POU2F3: variants seen among roughly 807,000 people sequenced by gnomAD.
POU2F3 encodes the protein POU domain, class 2, transcription factor 3.
POU2F3 carries 23 observed loss-of-function variants against 59.2 expected under a neutral mutation model. That is an observed-to-expected ratio of 0.39 (90% CI 0.28 to 0.55). POU2F3 has a LOEUF of 0.55. Among genes scored for constraint, POU2F3 ranks in the 20% least tolerant of loss-of-function variants. The pLI is 0.66. For missense variants in POU2F3, 473 were observed against 544.5 expected (o/e 0.87, Z 1.31); for synonymous variants, 190 against 214.6 (o/e 0.89, Z 1.00).
rs74198719 is a variant in POU2F3, at chr11:120,260,747, C to T, written c.98-8463C>T. Among the ~76,000 whole-genome samples the T allele has an allele frequency of 7.7e-4, 117 of 152,210 alleles. No homozygotes were observed. In the East Asian group the frequency reaches 0.016, roughly 20 times the overall value. On this transcript the variant is annotated intron_variant, in intron 2 of 12. Transcript: ENST00000543440. ...GCGTTGGGGGGTTAAGTTGGGTCTT[C>T]GATGAGTCCTCAGACATTCTCCGAG...
intron 10 of POU2F3, among the ~76,000 whole-genome samples, chr11:120,315,071 C>T (rs140659279): frequency 6.6e-6 from 1 of 152,232 alleles, no homozygotes; most frequent in Non-Finnish European, 1.5e-5. Flanking sequence ...AGGCAGCCTT[C>T]GGCTTGGCAG....
intron 2 of POU2F3, among the ~76,000 whole-genome samples, chr11:120,259,623 C>T (rs1358682603): frequency 6.6e-6 from 1 of 152,214 alleles, no homozygotes; most frequent in East Asian, 1.9e-4. Context: ...TCAAGGATTG[C>T]TTTCAGGCTT....
upstream of POU2F3, among the ~76,000 whole-genome samples, chr11:120,237,409 C>T (rs1938530922): frequency 6.6e-6 from 1 of 152,088 alleles, no homozygotes; most frequent in African/African-American, 2.4e-5. Context: ...CTGTGAACCT[C>T]CAAGGTCCTA....
At chr11:120,289,379 T>A (rs1940940050) in intron 3 of POU2F3, among the ~76,000 whole-genome samples, 1 of 152,210 alleles carries the variant, frequency 6.6e-6, no homozygotes, top group South Asian at 2.1e-4. Flanking sequence ...TTTAACCGGC[T>A]ACCCTCGCTA....
upstream of POU2F3, among the ~76,000 whole-genome samples, chr11:120,237,114 C>A (rs1344686895): frequency 1.3e-5 from 2 of 152,158 alleles, no homozygotes; most frequent in East Asian, 3.9e-4. Context: ...CTGTAGTCTA[C>A]TAGCTGCGTT....
chr11:120,298,974 C>T lies in POU2F3; in HGVS notation c.258+584C>T, dbSNP rs1941268069. Among the ~76,000 whole-genome samples, 4 of 152,204 alleles carry T rather than the reference C, an allele frequency of 2.6e-5. No individual in the cohort carries two copies. The South Asian group carries it at 8.3e-4, about 32-fold the overall frequency. On this transcript the variant is annotated intron_variant, in intron 4 of 12. Transcript: ENST00000543440. The stretch of plus-strand genomic sequence containing the variant: ...GCTTCTCAGGTCTTCTCTATGTGCA[C>T]AAACCTAAGCTCAACCTCATGGGGC...
intron 1 of POU2F3, among the ~76,000 whole-genome samples, chr11:120,244,901 C>T (rs999621824): frequency 7.3e-6 from 1 of 136,658 alleles, no homozygotes; most frequent in Non-Finnish European, 1.5e-5. Context: ...TGCAGCAGGA[C>T]GGATTGAGGT....
At chr11:120,267,663 C>T in intron 2 of POU2F3, among the ~76,000 whole-genome samples, 1 of 152,218 alleles carries the variant, frequency 6.6e-6, no homozygotes, top group Middle Eastern at 3.2e-3. Flanking sequence ...TTCTCTTAGA[C>T]CCCATTCATT....
chr11:120,271,206 T>A (rs1401740333), intron 3 of POU2F3, among the ~76,000 whole-genome samples: 1 of 152,164 alleles, frequency 6.6e-6, no homozygotes, highest in African/African-American at 2.4e-5. Flanking sequence ...TAGGCTTCAA[T>A]TAAAGAGAGA....
chr11:120,275,397 C>T (rs1940276060), intron 3 of POU2F3, among the ~76,000 whole-genome samples: 1 of 152,232 alleles, frequency 6.6e-6, no homozygotes, highest in South Asian at 2.1e-4. Flanking sequence ...CTCTCCACTC[C>T]ATTTCCTGCT....
chr11:120,246,890 A>C (rs895980334), intron 2 of POU2F3, among the ~76,000 whole-genome samples: 9 of 152,216 alleles, frequency 5.9e-5, no homozygotes, highest in African/African-American at 2.2e-4. Flanking sequence ...AGTCCTACTC[A>C]AGGCACTAAC....
In POU2F3 at chr11:120,280,476, A is replaced by G. The variant is rs185919307; in HGVS notation, c.132+11232A>G. Reference sequence around the variant, plus strand: ...CTTACAACAGCCTGGTGAGGTAAGCATTATTCTTCCCATTATAAAGCTGGG... The same window carrying G: ...CTTACAACAGCCTGGTGAGGTAAGCGTTATTCTTCCCATTATAAAGCTGGG... On this transcript the variant is annotated intron_variant, in intron 3 of 12. Transcript: ENST00000543440. Among the ~76,000 whole-genome samples, 121 of 152,316 alleles carry G rather than the reference A, an allele frequency of 7.9e-4. 2 individuals carry two copies. Among genetic ancestry groups the G allele is most frequent in the Admixed American group, 7.2e-3 (111 of 15,312 alleles).
At chr11:120,265,029 C>T (rs890780822) in intron 2 of POU2F3, among the ~76,000 whole-genome samples, 4 of 152,168 alleles carry the variant, frequency 2.6e-5, no homozygotes, top group Non-Finnish European at 5.9e-5. Context: ...CAGCAGAGCC[C>T]CCATGACCTA....
intron 6 of POU2F3, 35 bp from the exon 7 acceptor site, chr11:120,304,992 ATCT>A: frequency 2.0e-6 from 2 of 1,017,588 alleles, no homozygotes; most frequent in South Asian, 3.2e-5. Context: ...TTATTTATTG[ATCT>A]TCGTGGTGGA....
intron 3 of POU2F3, among the ~76,000 whole-genome samples, chr11:120,271,497 G>A (rs1329181139): frequency 6.6e-6 from 1 of 152,216 alleles, no homozygotes; most frequent in African/African-American, 2.4e-5. Context: ...GGTTTCCCCA[G>A]CCCAGGGCCC....
intron 2 of POU2F3, among the ~76,000 whole-genome samples, chr11:120,255,216 A>G (rs183023596): frequency 5.9e-5 from 9 of 152,120 alleles, no homozygotes; most frequent in Non-Finnish European, 1.2e-4. Flanking sequence ...TGCCCAGTCC[A>G]GGTTTGTACG....
intron 6 of POU2F3, chr11:120,304,339 A>AG (rs1941424341): frequency 7.1e-6 from 1 of 141,784 alleles, no homozygotes; most frequent in East Asian, 2.4e-4. Context: ...TCAAAAAAAA[A>AG]AAGAAGAAGA....
At chr11:120,307,640 C>T (rs200975435) in intron 9 of POU2F3, 25 bp downstream of exon 9, 27 of 1,538,130 alleles carry the variant, frequency 1.8e-5, no homozygotes, top group Non-Finnish European at 2.0e-5. Flanking sequence ...CGGGTGGGCA[C>T]GGGTGGGCTA....
At chr11:120,305,275 A>C in intron 7 of POU2F3, 63 bp downstream of exon 7, 1 of 1,565,692 alleles carries the variant, frequency 6.4e-7, no homozygotes, top group Non-Finnish European at 8.7e-7. Flanking sequence ...GGGCTTCCCA[A>C]GTGCAGGTTT....
Sources: allele counts gnomAD v4.1 joint callset (sites outside exome capture counted in the v4.1 genomes callset), GRCh38; gene constraint gnomAD v4.1.1; transcripts MANE v1.5; gene names NCBI Gene and HGNC (gene_info 2026-07-23, HGNC 2026-07-21).